The following AGTPBP1 variants were observed in gnomAD, a reference collection of about 807,000 sequenced individuals.
AGTPBP1 encodes the protein cytosolic carboxypeptidase 1.
AGTPBP1 carries 70 observed loss-of-function variants against 143.9 expected under a neutral mutation model. That is an observed-to-expected ratio of 0.49 (90% CI 0.40 to 0.59). The LOEUF (loss-of-function observed/expected upper bound fraction) is 0.59, where lower values mean the gene tolerates loss of function less well. AGTPBP1 is among the 20% of genes least tolerant of loss of function. The pLI is 0.00. For missense variants in AGTPBP1, 1,229 were observed against 1,464.5 expected (o/e 0.84, Z 2.62); for synonymous variants, 463 against 500.2 (o/e 0.93, Z 0.99).
At chr9:85,792,810 T>A in the AGTPBP1 span, among the ~76,000 whole-genome samples, 3 of 152,094 alleles carry the variant, frequency 2.0e-5, no homozygotes, top group African/African-American at 7.2e-5. Flanking sequence ...ACTTTGAAAA[T>A]TGAAGCATCA....
rs1336246059 is a variant in AGTPBP1, at chr9:85,619,115, T to A, written c.2203A>T (p.Ile735Phe). ...IQIRKNEYDL[I>F]LNSDINSNHY... is the part of the protein sequence containing the mutation. The stretch of plus-strand genomic sequence containing the variant: ...TTGCTGTTTATGTCTGAGTTCAGAA[T>A]AAGATCATATTCATTTCTGAAAATA... The change falls in exon 17 of 26, where the codon ATT becomes TTT. Residue 735 changes from isoleucine (I) to phenylalanine (F), a missense_variant. Around this residue, in one of 2 missense-constraint regions of AGTPBP1, gnomAD observed 486 missense variants for 652.3 expected, o/e 0.75. Coordinates refer to ENST00000357081, the MANE Select transcript of AGTPBP1 (RefSeq NM_001330701.2). The A allele has an allele frequency of 6.2e-7, 1 of 1,613,218 alleles. No homozygotes were observed. Among genetic ancestry groups the A allele is most frequent in the Admixed American group, 1.7e-5 (1 of 59,954 alleles).
chr9:85,803,443 T>C, the AGTPBP1 span, among the ~76,000 whole-genome samples: 144 of 152,310 alleles, frequency 9.5e-4, no homozygotes, highest in African/African-American at 3.0e-3. Flanking sequence ...CTCACCTAGA[T>C]CAGAGCTTCT....
intron 17 of AGTPBP1, 21 bp from the exon 18 acceptor site, chr9:85,596,470 G>C (rs1253483612): frequency 6.8e-7 from 1 of 1,472,428 alleles, no homozygotes; most frequent in Non-Finnish European, 9.2e-7. Context: ...GAGAAAAAAA[G>C]AGAGAAAATT....
At chr9:85,666,505 G>C (rs1319105497) in intron 8 of AGTPBP1, among the ~76,000 whole-genome samples, 2 of 152,066 alleles carry the variant, frequency 1.3e-5, no homozygotes, top group African/African-American at 4.8e-5. Context: ...TTTGGTCAAT[G>C]AATGGCTTGT....
At chr9:85,654,818 G>A (rs1056832190) in intron 11 of AGTPBP1, among the ~76,000 whole-genome samples, 4 of 151,658 alleles carry the variant, frequency 2.6e-5, no homozygotes, top group African/African-American at 9.7e-5. Flanking sequence ...ACTCCACCCT[G>A]GGCAACAGAG....
At chr9:85,662,630 G>A (rs536790050) in intron 8 of AGTPBP1, among the ~76,000 whole-genome samples, 1 of 152,240 alleles carries the variant, frequency 6.6e-6, no homozygotes, top group South Asian at 2.1e-4. Flanking sequence ...GCCAGACACT[G>A]TTACAGGTGC....
intron 3 of AGTPBP1, among the ~76,000 whole-genome samples, chr9:85,691,176 G>A (rs1046585518): frequency 6.6e-6 from 1 of 152,086 alleles, no homozygotes; most frequent in Non-Finnish European, 1.5e-5. Flanking sequence ...AATATTTCCA[G>A]AGCCTGGAAT....
rs899378855 is a variant in AGTPBP1 at position 85,619,291 on chromosome 9, G to A, written c.2110C>T (p.Pro704Ser). The change falls in exon 16 of 26, where the codon CCA (proline) becomes TCA (serine). Residue 704 changes from proline (P) to serine (S), a missense_variant. Transcript: ENST00000357081. ...AATTTCAAAATATCTCCCTCTTCTG[G>A]AATGGTGTAACTAAATAAAAGTTTT... ...YDLDNPNYTI[P>S]EEGDILKFNS... is the part of the protein sequence containing the mutation. The A allele has an allele frequency of 1.9e-6, 3 of 1,610,938 alleles. No individual in the cohort carries two copies. In the African/African-American group the frequency reaches 4.0e-5, roughly 22 times the overall value.
intron 1 of AGTPBP1, among the ~76,000 whole-genome samples, chr9:85,740,518 T>G (rs761180293): frequency 1.3e-5 from 2 of 152,240 alleles, no homozygotes; most frequent in Non-Finnish European, 2.9e-5. Flanking sequence ...TGTTTTAAAA[T>G]AAGCACCATT....
chr9:85,553,695 G>A (rs1313542436), intron 25 of AGTPBP1, among the ~76,000 whole-genome samples: 2 of 152,182 alleles, frequency 1.3e-5, no homozygotes, highest in Admixed American at 6.5e-5. Context: ...TAATGAAAGT[G>A]TTAAATGACT....
chr9:85,741,224 A>G (rs1824241588), intron 1 of AGTPBP1: 1 of 985,362 alleles, frequency 1.0e-6, no homozygotes, highest in Admixed American at 6.1e-5. Flanking sequence ...CAAACCACCC[A>G]GCGAGAGGAA....
chr9:85,788,068 C>G, the AGTPBP1 span: 3 of 151,974 alleles, frequency 2.0e-5, no homozygotes, highest in African/African-American at 7.3e-5. Context: ...ACAAAACAAA[C>G]TTATAAAAAG....
At chr9:85,548,047 C>T (rs1025276470) in intron 25 of AGTPBP1, among the ~76,000 whole-genome samples, 2 of 152,140 alleles carry the variant, frequency 1.3e-5, no homozygotes, top group Non-Finnish European at 2.9e-5. Context: ...ATAAACACTA[C>T]AGAAACATTT....
chr9:85,620,747 G>T (rs1830881932), intron 15 of AGTPBP1, among the ~76,000 whole-genome samples: 1 of 152,158 alleles, frequency 6.6e-6, no homozygotes, highest in African/African-American at 2.4e-5. Context: ...AGCAGTAAGA[G>T]ACAACAGGGT....
At chr9:85,736,535 C>CT (rs1014283251) in intron 1 of AGTPBP1, among the ~76,000 whole-genome samples, 23 of 151,914 alleles carry the variant, frequency 1.5e-4, no homozygotes, top group African/African-American at 5.6e-4. Context: ...AGCTATAATA[C>CT]TTTTTTTTAA....
At chr9:85,611,109 TG>T (rs1830285433) in intron 17 of AGTPBP1, among the ~76,000 whole-genome samples, 1 of 150,088 alleles carries the variant, frequency 6.7e-6, no homozygotes, top group Non-Finnish European at 1.5e-5. Flanking sequence ...AAAAATCCAA[TG>T]CAGAATATGC....
Position 85,621,182 on chromosome 9 carries a change from T to C in AGTPBP1, c.2099+20A>G. The C allele has an allele frequency of 7.4e-7, 1 of 1,350,642 alleles. No individual in the cohort carries two copies. The highest frequency in any genetic ancestry group is 9.8e-7 in the Non-Finnish European group (1 of 1,017,602). 83.7% of individuals were successfully genotyped at this position (1,350,642 alleles called of 1,614,324 possible). A position where few individuals can be genotyped will look rare whatever the true frequency, so the allele number is the denominator to read the frequency against. On this transcript the variant is annotated intron_variant, in intron 15 of 25. Transcript: ENST00000357081. Reference sequence around the variant, plus strand: ...AGAAAAACTTAAAACTAATAAAAGTTCATTAAAATCAAGACTTACTTTGGG... The same window carrying C: ...AGAAAAACTTAAAACTAATAAAAGTCCATTAAAATCAAGACTTACTTTGGG...
chr9:85,584,854 G>A (rs1180033155), intron 23 of AGTPBP1, among the ~76,000 whole-genome samples: 1 of 152,092 alleles, frequency 6.6e-6, no homozygotes, highest in Non-Finnish European at 1.5e-5. Flanking sequence ...TAAAAGACTT[G>A]ACTAAATAGA....
At chr9:85,646,459 A>C (rs1289857699) in intron 11 of AGTPBP1, 41 bp from the exon 12 acceptor site, 1 of 1,337,362 alleles carries the variant, frequency 7.5e-7, no homozygotes, top group Non-Finnish European at 1.1e-6. Flanking sequence ...AGAGGTAAGC[A>C]TTCTACAATA....
Sources: allele counts gnomAD v4.1 joint callset (sites outside exome capture counted in the v4.1 genomes callset), GRCh38; gene constraint gnomAD v4.1.1; regional missense constraint gnomAD v4.1.1; transcripts MANE v1.5; gene names NCBI Gene and HGNC (gene_info 2026-07-23, HGNC 2026-07-21).